GPHN: variants seen among roughly 807,000 people sequenced by gnomAD.
The protein encoded by GPHN is gephyrin.
GPHN carries 17 observed loss-of-function variants against 95.5 expected under a neutral mutation model. That is an observed-to-expected ratio of 0.18 (90% confidence interval 0.12 to 0.27). The LOEUF is 0.27. Ranked by LOEUF, GPHN falls within the 10% of genes least tolerant of loss-of-function variation. GPHN has a pLI of 1.00. For missense variants in GPHN, 660 were observed against 978.1 expected, an observed-to-expected ratio of 0.67 and a Z score of 4.34; for synonymous variants, 320 against 322.5, an observed-to-expected ratio of 0.99 and a Z score of 0.08.
At chr14:66,921,897 A>C (rs947965563) in intron 6 of GPHN, among the ~76,000 whole-genome samples, 1 of 152,192 alleles carries the variant, frequency 6.6e-6, no homozygotes, top group African/African-American at 2.4e-5. Flanking sequence ...AGAACCTAGA[A>C]ATAAAATCAA....
At chr14:66,802,033 T>G (rs184199848) in intron 3 of GPHN, among the ~76,000 whole-genome samples, 4 of 152,264 alleles carry the variant, frequency 2.6e-5, no homozygotes, top group African/African-American at 4.8e-5. Context: ...CAACAGGGCC[T>G]ATTTTCTTCC....
At chr14:66,879,837 T>C (rs1253302334) in intron 4 of GPHN, 102 bp from the exon 5 acceptor site, 1 of 766,540 alleles carries the variant, frequency 1.3e-6, no homozygotes, top group East Asian at 2.6e-5. Flanking sequence ...GTATGGTTAT[T>C]GAAAGCCTGG....
chr14:66,543,226 G>A (rs1211705503), intron 1 of GPHN, among the ~76,000 whole-genome samples: 1 of 152,068 alleles, frequency 6.6e-6, no homozygotes, highest in African/African-American at 2.4e-5. Context: ...AGATTTGGAT[G>A]GGGACACAGA....
At chr14:66,781,880 G>A (rs1326402989) in intron 3 of GPHN, among the ~76,000 whole-genome samples, 1 of 152,114 alleles carries the variant, frequency 6.6e-6, no homozygotes, top group East Asian at 1.9e-4. Context: ...TCTCTGAAGT[G>A]TATACTGAAG....
At chr14:66,597,532 T>G (rs1441704007) in intron 1 of GPHN, among the ~76,000 whole-genome samples, 2 of 151,862 alleles carry the variant, frequency 1.3e-5, no homozygotes, top group African/African-American at 2.4e-5. Flanking sequence ...AAAATTAGAG[T>G]GGGTGCCAGG....
chr14:67,442,249 G>A, the GPHN span, among the ~76,000 whole-genome samples: 1 of 152,104 alleles, frequency 6.6e-6, no homozygotes, highest in Non-Finnish European at 1.5e-5. Flanking sequence ...ATCCTTGAGG[G>A]TTAGGAGGTC....
the GPHN span, among the ~76,000 whole-genome samples, chr14:67,512,289 T>C: frequency 6.6e-6 from 1 of 152,202 alleles, no homozygotes; most frequent in African/African-American, 2.4e-5. Context: ...TACACTTTAC[T>C]TTTCAAATAC....
At chr14:67,659,825 A>C in the GPHN span, 51 of 1,613,968 alleles carry the variant, frequency 3.2e-5, 1 homozygote, top group South Asian at 5.4e-4. Flanking sequence ...CTCCCGATGG[A>C]GTTTAGCAAG....
At chr14:66,692,616 A>T (rs534702534) in intron 2 of GPHN, among the ~76,000 whole-genome samples, 5 of 152,134 alleles carry the variant, frequency 3.3e-5, no homozygotes, top group African/African-American at 1.2e-4. Context: ...TTCTTATCGA[A>T]CAGTTTTCTA....
At chr14:67,525,173 C>T in the GPHN span, among the ~76,000 whole-genome samples, 1 of 152,166 alleles carries the variant, frequency 6.6e-6, no homozygotes, top group Non-Finnish European at 1.5e-5. Context: ...TTTCTCCACT[C>T]AAAGATAGTC....
the GPHN span, among the ~76,000 whole-genome samples, chr14:67,596,484 G>A: frequency 6.6e-6 from 1 of 151,816 alleles, no homozygotes; most frequent in African/African-American, 2.4e-5. Flanking sequence ...AATTATTGAT[G>A]ACCTAGAATC....
intron 9 of GPHN, among the ~76,000 whole-genome samples, chr14:66,978,783 T>A (rs1379334703): frequency 6.6e-6 from 1 of 152,222 alleles, no homozygotes; most frequent in Non-Finnish European, 1.5e-5. Context: ...GGTTTTCAAT[T>A]TACTTTGCTC....
intron 9 of GPHN, among the ~76,000 whole-genome samples, chr14:66,989,881 C>T (rs1053413481): frequency 1.6e-4 from 25 of 152,040 alleles, no homozygotes; most frequent in Admixed American, 1.3e-3. Context: ...GGTTTTGTTT[C>T]TAAAATGAAG....
chr14:67,199,365 T>G, the GPHN span: 1 of 1,614,024 alleles, frequency 6.2e-7, no homozygotes. Context: ...GGGGCCAACA[T>G]TTTCAATGGG....
At chr14:67,475,161 C>A in the GPHN span, among the ~76,000 whole-genome samples, 1 of 152,198 alleles carries the variant, frequency 6.6e-6, no homozygotes, top group African/African-American at 2.4e-5. Context: ...GTGATCCGCC[C>A]GCCTTGGCCT....
At chr14:66,726,728 C>G (rs111837865) in intron 2 of GPHN, among the ~76,000 whole-genome samples, 87 of 152,234 alleles carry the variant, frequency 5.7e-4, no homozygotes, top group Non-Finnish European at 1.2e-3. Context: ...CAGATTGACC[C>G]TCCCTCATCT....
At chr14:67,517,876 C>G in the GPHN span, among the ~76,000 whole-genome samples, 1 of 152,284 alleles carries the variant, frequency 6.6e-6, no homozygotes, top group East Asian at 1.9e-4. Context: ...TCTTCTGGTA[C>G]CCCTTGCAAG....
intron 12 of GPHN, among the ~76,000 whole-genome samples, chr14:67,093,075 A>G (rs922438304): frequency 6.6e-6 from 1 of 152,104 alleles, no homozygotes; most frequent in Admixed American, 6.6e-5. Flanking sequence ...GATCATTTGG[A>G]AAAAAGGAAT....
intron 4 of GPHN, among the ~76,000 whole-genome samples, chr14:66,868,530 A>G (rs2063313185): frequency 1.3e-5 from 2 of 151,972 alleles, no homozygotes; most frequent in Admixed American, 6.6e-5. Context: ...AGTAGCTGGA[A>G]CTACAGGGGC....
Sources: gnomAD v4.1 joint callset for allele counts (sites outside exome capture counted in the v4.1 genomes callset) on GRCh38, gnomAD v4.1.1 for gene constraint, MANE v1.5 for transcripts, NCBI Gene and HGNC (gene_info 2026-07-23, HGNC 2026-07-21) for gene names.